The following HDAC9 variants were observed in gnomAD, a reference collection of about 807,000 sequenced individuals.
HDAC9 encodes MEF-2 interacting transcription repressor (MITR) protein.
In HDAC9, 41 loss-of-function variants were observed where a neutral mutation model predicts 139.4. The observed-to-expected ratio is 0.29, with a 90% CI of 0.23 to 0.38. The LOEUF (loss-of-function observed/expected upper bound fraction) is 0.38. Ranked by LOEUF, HDAC9 falls within the 10% of genes least tolerant of loss-of-function variation. HDAC9 has a pLI of 1.00. For synonymous variants in HDAC9, 517 were observed against 476.2 expected (o/e 1.09, Z -1.12); for missense variants, 1,147 against 1,297.0 (o/e 0.88, Z 1.78).
intron 2 of HDAC9, among the ~76,000 whole-genome samples, chr7:18,564,095 A>G (rs1821493660): frequency 6.6e-6 from 1 of 152,112 alleles, no homozygotes; most frequent in Non-Finnish European, 1.5e-5. Flanking sequence ...CCGGCCTCCC[A>G]AAGTGCTGGG....
intron 17 of HDAC9, among the ~76,000 whole-genome samples, chr7:18,817,061 G>C (rs1353208617): frequency 6.7e-6 from 1 of 148,222 alleles, no homozygotes; most frequent in Non-Finnish European, 1.5e-5. Context: ...TTGAAATGGA[G>C]TCTCGCGCTG....
chr7:18,180,733 G>A (rs560953026), intron 2 of HDAC9, among the ~76,000 whole-genome samples: 1 of 152,290 alleles, frequency 6.6e-6, no homozygotes, highest in African/African-American at 2.4e-5. Context: ...TGTGGCTGCT[G>A]TAACAAATTA....
At chr7:18,594,886 G>A (rs1235246026) in intron 6 of HDAC9, among the ~76,000 whole-genome samples, 1 of 152,010 alleles carries the variant, frequency 6.6e-6, no homozygotes, top group African/African-American at 2.4e-5. Flanking sequence ...ATTCATGTAA[G>A]ATAGCTTGGT....
chr7:18,989,977 A>G (rs1469895380), intron 25 of HDAC9, among the ~76,000 whole-genome samples: 1 of 151,716 alleles, frequency 6.6e-6, no homozygotes, highest in Non-Finnish European at 1.5e-5. Context: ...CAAAGTTTTC[A>G]ACTTCTTTGC....
chr7:18,888,868 G>A (rs1800413707), intron 22 of HDAC9, among the ~76,000 whole-genome samples: 1 of 152,136 alleles, frequency 6.6e-6, no homozygotes, highest in Non-Finnish European at 1.5e-5. Context: ...GAACGACTTT[G>A]TCTAGTCATA....
intron 2 of HDAC9, among the ~76,000 whole-genome samples, chr7:18,242,030 C>T (rs1315393603): frequency 6.6e-6 from 1 of 152,160 alleles, no homozygotes; most frequent in Non-Finnish European, 1.5e-5. Flanking sequence ...TGCTGGTTTC[C>T]AACCACTAGG....
At chr7:18,742,891 A>G (rs1441426863) in intron 13 of HDAC9, among the ~76,000 whole-genome samples, 3 of 152,028 alleles carry the variant, frequency 2.0e-5, no homozygotes, top group African/African-American at 4.8e-5. Flanking sequence ...TGTCTTTTTA[A>G]TTTAGTTCTA....
intron 12 of HDAC9, among the ~76,000 whole-genome samples, chr7:18,684,492 A>G (rs142738207): frequency 7.1e-6 from 1 of 141,308 alleles, no homozygotes; most frequent in Non-Finnish European, 1.5e-5. Flanking sequence ...AAACAAACAA[A>G]CAATAAAACT....
Position 18,634,740 on chromosome 7 carries a change from G to A in HDAC9, c.910G>A (p.Glu304Lys), listed in dbSNP as rs201873826. 5.7e-5 allele frequency: 89 copies of A among 1,567,866 alleles called. No individual in the cohort carries two copies. In the African/African-American group the frequency reaches 1.1e-3, roughly 19 times the overall value. ...GGTTTTGCCCCCTACCCCTCATGCC[G>A]AGGTAAGACCCTTATTATTTTGTTT... Reference protein sequence around the residue: ...TSVLPPTPHAEQMVSQQRILI... With the variant: ...TSVLPPTPHAKQMVSQQRILI... Residue 304 changes from glutamate to lysine, a missense_variant and splice_region_variant, in exon 8 of 26, where the codon GAG becomes AAG. By Grantham distance (56) the Glu-to-Lys change is moderately conservative. Transcript: ENST00000686413.
intron 1 of HDAC9, among the ~76,000 whole-genome samples, chr7:18,155,426 G>A (rs568289498): frequency 1.3e-5 from 2 of 152,066 alleles, no homozygotes; most frequent in African/African-American, 4.8e-5. Flanking sequence ...ACTGTAGTTG[G>A]CAAGATTTCT....
At chr7:18,306,678 A>G (rs1003912883) in intron 1 of HDAC9, among the ~76,000 whole-genome samples, 1 of 152,090 alleles carries the variant, frequency 6.6e-6, no homozygotes, top group Non-Finnish European at 1.5e-5. Flanking sequence ...CTTGCTTACG[A>G]TCTTTGGATG....
At chr7:18,531,261 A>T (rs1808838944) in intron 2 of HDAC9, among the ~76,000 whole-genome samples, 1 of 152,118 alleles carries the variant, frequency 6.6e-6, no homozygotes, top group Non-Finnish European at 1.5e-5. Flanking sequence ...ATATGTGTGG[A>T]TCTGAATGAT....
intron 13 of HDAC9, among the ~76,000 whole-genome samples, chr7:18,735,592 A>G (rs1786808614): frequency 6.6e-6 from 1 of 152,162 alleles, no homozygotes; most frequent in South Asian, 2.1e-4. Flanking sequence ...CTATTGGTCT[A>G]CATAACTGTT....
intron 22 of HDAC9, among the ~76,000 whole-genome samples, chr7:18,929,353 A>C (rs182906165): frequency 2.6e-5 from 4 of 152,260 alleles, no homozygotes; most frequent in Admixed American, 2.0e-4. Flanking sequence ...GTTTCTACTA[A>C]ATTAATGGAA....
intron 1 of HDAC9, among the ~76,000 whole-genome samples, chr7:18,146,608 C>T (rs1231510565): frequency 1.3e-5 from 2 of 152,160 alleles, no homozygotes; most frequent in African/African-American, 4.8e-5. Context: ...AGTTCAGCAA[C>T]AACGGGCTGC....
intron 1 of HDAC9, among the ~76,000 whole-genome samples, chr7:18,479,648 G>A (rs1795386163): frequency 6.6e-6 from 1 of 151,986 alleles, no homozygotes; most frequent in Non-Finnish European, 1.5e-5. Context: ...GAAGTAGCTT[G>A]TCAAGTTAAG....
At chr7:18,266,448 G>T (rs1363965296) in intron 2 of HDAC9, among the ~76,000 whole-genome samples, 2 of 152,038 alleles carry the variant, frequency 1.3e-5, no homozygotes, top group African/African-American at 2.4e-5. Flanking sequence ...AGCTAGTTTG[G>T]CTTGCAACTC....
chr7:18,714,505 A>T (rs1444594417), intron 12 of HDAC9, among the ~76,000 whole-genome samples: 1 of 152,174 alleles, frequency 6.6e-6, no homozygotes, highest in Non-Finnish European at 1.5e-5. Context: ...ATGGAGTCTT[A>T]CGAATAAGGG....
At chr7:18,409,165 T>C (rs1190576792) in intron 1 of HDAC9, among the ~76,000 whole-genome samples, 2 of 152,200 alleles carry the variant, frequency 1.3e-5, no homozygotes, top group African/African-American at 4.8e-5. Context: ...AAACAAATTA[T>C]GGTACAGGAC....
Sources: gnomAD v4.1 joint callset for allele counts (sites outside exome capture counted in the v4.1 genomes callset) on GRCh38, gnomAD v4.1.1 for gene constraint, MANE v1.5 for transcripts, NCBI Gene and HGNC (gene_info 2026-07-23, HGNC 2026-07-21) for gene names.